Variants in TNXB observed in about 807,000 individuals in gnomAD.
TNXB encodes tenascin XB.
TNXB carries 183 observed loss-of-function variants against 340.5 expected under a neutral mutation model. The ratio of observed to expected loss-of-function variants is 0.54; its 90% CI spans 0.48 to 0.61. TNXB has a LOEUF of 0.61. Ranked by LOEUF, TNXB falls within the 20% of genes least tolerant of loss-of-function variation. TNXB has a pLI of 0.00. For synonymous variants in TNXB, 2,121 were observed against 2,314.5 expected (o/e 0.92, Z 2.40); for missense variants, 4,613 against 5,446.4 (o/e 0.85, Z 4.82).
Position 32,069,623 on chromosome 6 carries a change from C to G in TNXB, c.5517G>C (p.Arg1839Ser). The G allele has an allele frequency of 6.2e-7, 1 of 1,611,260 alleles. No homozygotes were observed. Among genetic ancestry groups the G allele is most frequent in the Non-Finnish European group, 8.5e-7 (1 of 1,178,586 alleles). The part of the protein sequence containing the change: ...VSVPGLDPAH[R>S]YKLLLYGLHH... ...GCAGCCCGTAGAGCAGCAGCTTGTACCTGTGGGCAGGGTCCAGGCCCGGCA... is the reference window on the plus strand; with the variant it reads ...GCAGCCCGTAGAGCAGCAGCTTGTAGCTGTGGGCAGGGTCCAGGCCCGGCA... Residue 1839 changes from arginine (R) to serine (S), a missense_variant, in exon 15 of 44, where the codon AGG becomes AGC. Transcript: ENST00000644971. This position sits in a 1 kb window ranked among gnomAD's most constrained non-coding sequence, Gnocchi z 6.2.
Position 32,052,617 on chromosome 6 carries a change from G to C in TNXB, c.9115+53C>G. The stretch of plus-strand genomic sequence containing the variant: ...TGTTTTCACGAAGACTGGAGAGACA[G>C]CAGTGTCTTCCAGGGCCATCTTCCC... On this transcript the variant is annotated intron_variant, in intron 26 of 43. Transcript: ENST00000644971. This position sits in a 1 kb window ranked among gnomAD's most constrained non-coding sequence, Gnocchi z 4.7. 6.3e-7 allele frequency: 1 copy of C among 1,587,112 alleles called. No individual in the cohort carries two copies. Among genetic ancestry groups the C allele is most frequent in the Non-Finnish European group, 8.6e-7 (1 of 1,159,406 alleles).
rs1778948105 is a variant in TNXB, at chr6:32,074,177, T to C, written c.4376-225A>G. On this transcript the variant is annotated intron_variant, in intron 11 of 43. Transcript: ENST00000644971. This position sits in a 1 kb window ranked among gnomAD's most constrained non-coding sequence, Gnocchi z 5.5. ...GACTACAGGCGTGCGCCACCATGCC[T>C]GCCTAATTTTGTGTGTGTGTGTATT... is the stretch of plus-strand genomic sequence containing the variant. Among the ~76,000 whole-genome samples the C allele has an allele frequency of 1.3e-5, 2 of 151,996 alleles. No homozygotes were observed. The highest frequency in any genetic ancestry group is 6.8e-3 in the Middle Eastern group (2 of 294).
At chr6:32,059,462 C>G (rs1777881748) in intron 21 of TNXB, among the ~76,000 whole-genome samples, 1 of 109,290 alleles carries the variant, frequency 9.1e-6, no homozygotes, top group African/African-American at 3.5e-5. Context: ...AAATTCTGGG[C>G]TACAACAATT....
At chr6:32,076,808 C>T (rs952262371) in intron 11 of TNXB, among the ~76,000 whole-genome samples, 1 of 152,040 alleles carries the variant, frequency 6.6e-6, no homozygotes, top group African/African-American at 2.4e-5. Flanking sequence ...ATGGTGAAAC[C>T]CTGTCTCTAC....
chr6:32,100,795 A>G (rs948323333), intron 1 of TNXB, among the ~76,000 whole-genome samples: 2 of 152,052 alleles, frequency 1.3e-5, no homozygotes, highest in East Asian at 1.9e-4. Context: ...AGAGAATAAG[A>G]AGGCAGCTGG....
Position 32,096,128 on chromosome 6 carries a change from C to T in TNXB, c.1725G>A (p.Val575=). Residue 575 remains valine, a synonymous_variant, in exon 3 of 44, where the codon GTG becomes GTA. Transcript: ENST00000644971. The stretch of plus-strand genomic sequence containing the variant: ...CCTCGCCAGAGTAGCCGTCCTCGCA[C>T]ACACACCGCCCATCTAGGCACTGGC... ...GRGQCLDGRC[V]CEDGYSGEDC... 1 of 1,601,704 alleles carries T rather than the reference C, an allele frequency of 6.2e-7. No homozygotes were observed. Among genetic ancestry groups the T allele is most frequent in the Middle Eastern group, 1.7e-4 (1 of 6,050 alleles).
intron 22 of TNXB, 99 bp from the exon 23 acceptor site, chr6:32,057,002 G>A: frequency 6.8e-7 from 1 of 1,463,302 alleles, no homozygotes; most frequent in Non-Finnish European, 9.4e-7. Context: ...CCAAGAGCAG[G>A]ACGATGCTGC....
In TNXB at chr6:32,089,467, AAC is replaced by A; in HGVS notation, c.2359-90_2359-89del. The A allele has an allele frequency of 2.0e-6, 3 of 1,486,054 alleles. No individual in the cohort carries two copies. The South Asian group carries it at 3.9e-5, about 19-fold the overall frequency. The allele number at this position is 1,486,054 out of a possible 1,614,324, so 92.1% of individuals were successfully genotyped here. ...CTTATCTCTTCTTTCTCCAATTCTAAACAGTGTCAGCATGGTACTGTGTGGAA... is the reference window on the plus strand; with the variant it reads ...CTTATCTCTTCTTTCTCCAATTCTAAAGTGTCAGCATGGTACTGTGTGGAA... On this transcript the variant is annotated intron_variant, in intron 4 of 43. Coordinates refer to ENST00000644971, the MANE Select transcript of TNXB (RefSeq NM_001365276.2). The surrounding 1 kb of genome is among the most constrained non-coding windows in gnomAD (Gnocchi z 6.2).
chr6:32,089,304 G>A lies in TNXB; in HGVS notation c.2434C>T (p.Pro812Ser). ...ASAYDQRGLAPGQEYQVTVRA... is the reference protein window; with the variant it reads ...ASAYDQRGLASGQEYQVTVRA... ...ACAGTGACCTGGTACTCCTGTCCAG[G>A]GGCCAGTCCTCTCTGGTCATAGGCT... Residue 812 changes from proline (P) to serine (S), a missense_variant, in exon 5 of 44, where the codon CCT (proline) becomes TCT (serine). Around this residue, in one of 7 missense-constraint regions of TNXB, gnomAD observed 4,327 missense variants for 4,859.4 expected, o/e 0.89. Transcript: ENST00000644971. This position sits in a 1 kb window ranked among gnomAD's most constrained non-coding sequence, Gnocchi z 6.2. 1 of 1,608,048 alleles carries A rather than the reference G, an allele frequency of 6.2e-7. No homozygotes were observed. The highest frequency in any genetic ancestry group is 8.5e-7 in the Non-Finnish European group (1 of 1,178,308).
rs758817859 is a variant in TNXB at position 32,050,275 on chromosome 6, G to A, written c.9162C>T (p.Thr3054=). The A allele has an allele frequency of 1.2e-6, 2 of 1,613,298 alleles. No individual in the cohort carries two copies. The highest frequency in any genetic ancestry group is 2.2e-5 in the South Asian group (2 of 91,076). Residue 3054 remains threonine (T), a synonymous_variant, in exon 27 of 44, where the codon ACC becomes ACT. Transcript: ENST00000644971. ...AETTQAVPTM[T]PEPPIKPRLG... ...GGCGAGGCTTGATGGGGGGCTCAGG[G>A]GTCATGGTAGGCACTGCTTGGGTGG...
Position 32,047,712 on chromosome 6 carries a change from T to C in TNXB, c.10324+22A>G. The C allele has an allele frequency of 6.4e-7, 1 of 1,562,800 alleles. No individual in the cohort carries two copies. Among genetic ancestry groups the C allele is most frequent in the Non-Finnish European group, 8.7e-7 (1 of 1,151,898 alleles). The stretch of plus-strand genomic sequence containing the variant: ...GGATGAGAGGCAGCTCTGGAAAAGG[T>C]GGAGGCTGGACTGGGACTCACCTGT... On this transcript the variant is annotated intron_variant, in intron 30 of 43. Coordinates refer to ENST00000644971, the MANE Select transcript of TNXB (RefSeq NM_001365276.2). The surrounding 1 kb of genome is among the most constrained non-coding windows in gnomAD (Gnocchi z 6.2).
chr6:32,096,288 T>A lies in TNXB; in HGVS notation c.1565A>T (p.Asp522Val), dbSNP rs763797901. Reference sequence around the variant, plus strand: ...CCCGGGACAGCGACGGCTCCCACAGTCCTCACCGGTGAAGCCCGGGTTGCA... The same window carrying A: ...CCCGGGACAGCGACGGCTCCCACAGACCTCACCGGTGAAGCCCGGGTTGCA... ...CVCNPGFTGE[D>V]CGSRRCPGDC... The change falls in exon 3 of 44, where the codon GAC becomes GTC. Residue 522 changes from aspartate to valine, a missense_variant. Transcript: ENST00000644971. The A allele has an allele frequency of 2.6e-6, 4 of 1,555,142 alleles. No individual in the cohort carries two copies. Among genetic ancestry groups the A allele is most frequent in the Non-Finnish European group, 3.5e-6 (4 of 1,154,730 alleles).
Position 32,075,900 on chromosome 6 carries a change from G to A in TNXB, c.4376-1948C>T, listed in dbSNP as rs989712888. Among the ~76,000 whole-genome samples, 1 of 152,212 alleles carries A rather than the reference G, an allele frequency of 6.6e-6. No individual in the cohort carries two copies. Among genetic ancestry groups the A allele is most frequent in the African/African-American group, 2.4e-5 (1 of 41,446 alleles). ...AGAACTTGTTTCTCTGGCTTCCTCC[G>A]GAGGGCAAGACAAGGCTCCAAGCAA... is the stretch of plus-strand genomic sequence containing the variant. On this transcript the variant is annotated intron_variant, in intron 11 of 43. Transcript: ENST00000644971. This position sits in a 1 kb window ranked among gnomAD's most constrained non-coding sequence, Gnocchi z 4.6.
In TNXB at chr6:32,089,101, A is replaced by G; in HGVS notation, c.2516-53T>C. On this transcript the variant is annotated intron_variant, in intron 5 of 43. Transcript: ENST00000644971. The surrounding 1 kb of genome is among the most constrained non-coding windows in gnomAD (Gnocchi z 6.2). ...GTGGGTGTCTGGTTCTTCAATCATC[A>G]TCTTTCCTTCCAAGAGCCTAGCCCC... The G allele has an allele frequency of 6.3e-7, 1 of 1,591,540 alleles. No individual in the cohort carries two copies. The highest frequency in any genetic ancestry group is 8.6e-7 in the Non-Finnish European group (1 of 1,167,196).
intron 1 of TNXB, among the ~76,000 whole-genome samples, chr6:32,101,317 T>G (rs533332899): frequency 5.3e-5 from 8 of 151,796 alleles, no homozygotes; most frequent in African/African-American, 1.9e-4. Context: ...AGAGATGGAG[T>G]CTTGCTCTTT....
intron 1 of TNXB, among the ~76,000 whole-genome samples, chr6:32,106,132 G>T (rs1271518939): frequency 3.7e-4 from 43 of 115,724 alleles, no homozygotes; most frequent in African/African-American, 1.3e-3. Flanking sequence ...GTAGGGGCAT[G>T]GGGGGGGGGG....
chr6:32,095,780 GCCT>G lies in TNXB; in HGVS notation c.2070_2072del (p.Gly691del), dbSNP rs763544036. 3.7e-6 allele frequency: 6 copies of G among 1,613,512 alleles called. No individual in the cohort carries two copies. In the East Asian group the frequency reaches 1.1e-4, roughly 30 times the overall value. On this transcript the variant is annotated inframe_deletion, in exon 3 of 44. Transcript: ENST00000644971. ...CCCGGCACAGTTCCCGGGGCCCGCA[GCCT>G]CCAGGGCAGGCGCTGGCTGGAGGCT...
At chr6:32,099,957 A>AG (rs1292323677) in intron 1 of TNXB, among the ~76,000 whole-genome samples, 1 of 151,262 alleles carries the variant, frequency 6.6e-6, no homozygotes, top group East Asian at 1.9e-4. Context: ...AAAAAAAAAA[A>AG]AAAAAAAAAA....
At chr6:32,053,996 T>C (rs1777473667) in intron 24 of TNXB, among the ~76,000 whole-genome samples, 1 of 149,446 alleles carries the variant, frequency 6.7e-6, no homozygotes, top group Admixed American at 6.7e-5. Context: ...CTCTGCACCC[T>C]TAGCCTCCCT....
Sources: gnomAD v4.1 joint callset for allele counts (sites outside exome capture counted in the v4.1 genomes callset) on GRCh38, gnomAD v4.1.1 for gene constraint, gnomAD v4.1.1 regional missense constraint, Gnocchi (gnomAD v3.1) non-coding constraint, MANE v1.5 for transcripts, NCBI Gene and HGNC (gene_info 2026-07-23, HGNC 2026-07-21) for gene names.